The following VAV2 variants were observed in gnomAD, a reference collection of about 807,000 sequenced individuals.
The protein encoded by VAV2 is guanine nucleotide exchange factor VAV2.
Under a neutral mutation model 132.5 loss-of-function variants are expected in VAV2, and 67 were observed. The observed-to-expected ratio is 0.51, with a 90% CI of 0.42 to 0.62. The LOEUF (loss-of-function observed/expected upper bound fraction) is 0.62. Among genes scored for constraint, VAV2 ranks in the 20% least tolerant of loss-of-function variants. The pLI is 0.00. For synonymous variants in VAV2, 492 were observed against 443.5 expected (o/e 1.11, Z -1.37); for missense variants, 938 against 1,153.6 (o/e 0.81, Z 2.71).
intron 9 of VAV2, among the ~76,000 whole-genome samples, chr9:133,800,046 C>T (rs999711912): frequency 2.6e-5 from 4 of 152,220 alleles, no homozygotes; most frequent in Admixed American, 1.3e-4. Context: ...CCGTGACTGT[C>T]GCCGTTCTAC....
chr9:133,899,393 C>T (rs1839350637), intron 2 of VAV2, among the ~76,000 whole-genome samples: 1 of 151,310 alleles, frequency 6.6e-6, no homozygotes, highest in Admixed American at 6.6e-5. Context: ...CCCAACTCTA[C>T]CAAAAATTTA....
At chr9:133,948,484 C>G (rs553663175) in intron 1 of VAV2, among the ~76,000 whole-genome samples, 1 of 152,132 alleles carries the variant, frequency 6.6e-6, no homozygotes, top group Non-Finnish European at 1.5e-5. Context: ...CAGGGGCAGG[C>G]GACTGGCAGA....
chr9:133,848,526 T>C (rs929638292), intron 3 of VAV2, among the ~76,000 whole-genome samples: 5 of 152,106 alleles, frequency 3.3e-5, no homozygotes, highest in Non-Finnish European at 5.9e-5. Context: ...ATAAAGATAA[T>C]AGGGAAAGAG....
At position 133,991,106 on chromosome 9, in the gene VAV2, C is replaced by G. The variant is rs575668599; in HGVS notation, c.204+969G>C. ...GGTCCCTCTCCACATGGAGTTGCCA[C>G]TGCGCGCGGTGAGGGGCTGCTGAGC... On this transcript the variant is annotated intron_variant, in intron 1 of 29. Transcript: ENST00000371850. The surrounding 1 kb of genome is among the most constrained non-coding windows in gnomAD (Gnocchi z 4.8). Among the ~76,000 whole-genome samples the G allele has an allele frequency of 6.6e-6, 1 of 152,308 alleles. No homozygotes were observed. Among genetic ancestry groups the G allele is most frequent in the Admixed American group, 6.5e-5 (1 of 15,306 alleles).
chr9:133,916,455 C>T (rs995557414), intron 2 of VAV2, among the ~76,000 whole-genome samples: 5 of 152,170 alleles, frequency 3.3e-5, no homozygotes, highest in Non-Finnish European at 2.9e-5. Flanking sequence ...ACAAAAGCGT[C>T]GGCGTCACCA....
chr9:133,841,857 G>A (rs535008729), intron 3 of VAV2, among the ~76,000 whole-genome samples: 3 of 152,290 alleles, frequency 2.0e-5, no homozygotes, highest in Non-Finnish European at 2.9e-5. Context: ...ATGTGCCAGC[G>A]TGGGTCTCTC....
intron 19 of VAV2, among the ~76,000 whole-genome samples, chr9:133,783,132 A>G (rs867322112): frequency 2.4e-4 from 37 of 152,300 alleles, no homozygotes; most frequent in African/African-American, 7.5e-4. Context: ...GGGAGAACCC[A>G]GGGTGACCGG....
chr9:133,814,908 C>T (rs1835498795), intron 4 of VAV2, among the ~76,000 whole-genome samples: 1 of 152,210 alleles, frequency 6.6e-6, no homozygotes, highest in Admixed American at 6.5e-5. Flanking sequence ...ACATCCTTCA[C>T]TCGTGCCTCC....
At chr9:133,791,999 C>CAGCA in intron 12 of VAV2, 130 bp from the exon 13 acceptor site, 2 of 168,860 alleles carry the variant, frequency 1.2e-5, no homozygotes, top group African/African-American at 1.0e-4. Context: ...GGGTGTGTGA[C>CAGCA]TGTGTGTGAA....
chr9:133,834,825 A>AG lies in VAV2; in HGVS notation c.381-486dup, dbSNP rs1836401385. On this transcript the variant is annotated intron_variant, in intron 3 of 29. Transcript: ENST00000371850. The surrounding 1 kb of genome is among the most constrained non-coding windows in gnomAD (Gnocchi z 5.9). ...GGGAGGGGTGACTTCTGAGGCACTGAGGGTAGGGGCTCACCCACGCCACCC... is the reference window on the plus strand; with the variant it reads ...GGGAGGGGTGACTTCTGAGGCACTGAGGGGTAGGGGCTCACCCACGCCACCC... 6.6e-6 allele frequency among the ~76,000 whole-genome samples: 1 copy of AG among 152,108 alleles called. No homozygotes were observed. Among genetic ancestry groups the AG allele is most frequent in the African/African-American group, 2.4e-5 (1 of 41,428 alleles).
chr9:133,867,318 T>C (rs543932398), intron 2 of VAV2, among the ~76,000 whole-genome samples: 1 of 152,314 alleles, frequency 6.6e-6, no homozygotes, highest in African/African-American at 2.4e-5. Context: ...TAGCTTTCTC[T>C]TTCTGGCGCC....
chr9:133,804,930 G>A lies in VAV2; in HGVS notation c.836+1151C>T, dbSNP rs141716007. ...ACTGCCTGCTCCCTCGTGTCTCCGG[G>A]AACCCTCCAAGCCATGGCCCCTGGA... On this transcript the variant is annotated intron_variant, in intron 9 of 29. Coordinates refer to ENST00000371850, the MANE Select transcript of VAV2 (RefSeq NM_001134398.2). The surrounding 1 kb of genome is among the most constrained non-coding windows in gnomAD (Gnocchi z 4.5). Among the ~76,000 whole-genome samples the A allele has an allele frequency of 6.6e-6, 1 of 152,162 alleles. No homozygotes were observed. Among genetic ancestry groups the A allele is most frequent in the African/African-American group, 2.4e-5 (1 of 41,436 alleles).
chr9:133,985,590 G>A (rs561398165), intron 1 of VAV2, among the ~76,000 whole-genome samples: 1 of 152,228 alleles, frequency 6.6e-6, no homozygotes, highest in South Asian at 2.1e-4. Context: ...CCCTGATCTT[G>A]CCTTCTAAAT....
intron 1 of VAV2, among the ~76,000 whole-genome samples, chr9:133,941,452 TAATTTTAAGTTA>T (rs1430068467): frequency 6.6e-5 from 10 of 152,050 alleles, no homozygotes; most frequent in African/African-American, 2.4e-4. Context: ...CCTAGATTGC[TAATTTTAAGTTA>T]AATTTTAAAG....
chr9:133,941,150 G>A (rs148178911), intron 1 of VAV2, among the ~76,000 whole-genome samples: 4,227 of 152,270 alleles, frequency 0.028, 179 homozygotes, highest in African/African-American at 0.084. Context: ...GCTCACGCCT[G>A]TAATCCCAGC....
chr9:133,813,563 C>T (rs739450), intron 4 of VAV2, among the ~76,000 whole-genome samples: 4,216 of 152,358 alleles, frequency 0.028, 186 homozygotes, highest in African/African-American at 0.096. Context: ...AGCCACACGG[C>T]GTCCGTCTGT....
In VAV2 at chr9:133,793,227, G is replaced by A. The variant is rs561910119; in HGVS notation, c.1102-1358C>T. ...ACGCAGTGTCCAGACCTGGCCCACA[G>A]CGGAACCCAAGGGAGCCGGCCACGT... On this transcript the variant is annotated intron_variant, in intron 12 of 29. Transcript: ENST00000371850. Among the ~76,000 whole-genome samples the A allele has an allele frequency of 3.9e-3, 588 of 152,262 alleles. 4 individuals are homozygous for A. The highest frequency in any genetic ancestry group is 0.014 in the African/African-American group (565 of 41,526).
intron 3 of VAV2, among the ~76,000 whole-genome samples, chr9:133,837,085 G>C (rs376523786): frequency 1.3e-5 from 2 of 152,322 alleles, no homozygotes; most frequent in East Asian, 3.9e-4. Flanking sequence ...TGTGACTTTG[G>C]ACAACCTACT....
At position 133,942,805 on chromosome 9, in the gene VAV2, G is replaced by T. The variant is rs183070541; in HGVS notation, c.205-3586C>A. ...ACCCTAACCTTTAAGAAGTCCTCCT[G>T]GTGCAGCTCTGGGCCCAACCCAGGG... On this transcript the variant is annotated intron_variant, in intron 1 of 29. Coordinates refer to ENST00000371850, the MANE Select transcript of VAV2 (RefSeq NM_001134398.2). 4.5e-4 allele frequency among the ~76,000 whole-genome samples: 68 copies of T among 152,204 alleles called. 1 individual carries two copies. The Middle Eastern group carries it at 0.01, about 23-fold the overall frequency.
Sources: allele counts gnomAD v4.1 joint callset (sites outside exome capture counted in the v4.1 genomes callset), GRCh38; gene constraint gnomAD v4.1.1; non-coding constraint Gnocchi (gnomAD v3.1); transcripts MANE v1.5; gene names NCBI Gene and HGNC (gene_info 2026-07-23, HGNC 2026-07-21).